The following INTS4 variants were observed in gnomAD, a reference collection of about 807,000 sequenced individuals.
INTS4 encodes integrator complex subunit 4.
In INTS4, 70 loss-of-function variants were observed where a neutral mutation model predicts 119.5. The observed-to-expected ratio is 0.59, with a 90% CI of 0.48 to 0.71. The LOEUF (loss-of-function observed/expected upper bound fraction) is 0.71, where lower values mean the gene tolerates loss of function less well. Among genes scored for constraint, INTS4 ranks in the 30% least tolerant of loss-of-function variants. The probability of loss-of-function intolerance (pLI) is 0.00; values close to 1 mark genes in which losing one functional copy is unlikely to be tolerated. For synonymous variants in INTS4, 316 were observed against 419.6 expected (o/e 0.75, Z 3.02); for missense variants, 867 against 1,173.2 (o/e 0.74, Z 3.81).
chr11:77,991,923 T>C (rs1241108970), intron 1 of INTS4, among the ~76,000 whole-genome samples: 1 of 151,994 alleles, frequency 6.6e-6, no homozygotes, highest in African/African-American at 2.4e-5. Flanking sequence ...ACCTACTACG[T>C]TCAAGCGATT....
At chr11:77,980,909 C>G (rs888837884) in intron 3 of INTS4, among the ~76,000 whole-genome samples, 18 of 151,838 alleles carry the variant, frequency 1.2e-4, no homozygotes, top group Non-Finnish European at 1.9e-4. Context: ...AGGAGAATGA[C>G]GTGAACCCGG....
chr11:77,966,553 C>G (rs1029326121), intron 4 of INTS4, among the ~76,000 whole-genome samples: 1 of 152,166 alleles, frequency 6.6e-6, no homozygotes, highest in African/African-American at 2.4e-5. Flanking sequence ...ATAGATTGTC[C>G]TTTACCCAGT....
intron 7 of INTS4, among the ~76,000 whole-genome samples, chr11:77,956,505 G>A (rs1424001903): frequency 2.0e-5 from 3 of 152,024 alleles, no homozygotes; most frequent in East Asian, 3.9e-4. Flanking sequence ...TCAAGAGTTC[G>A]AGACCAGCCT....
chr11:77,918,416 C>CA (rs34005455), intron 15 of INTS4: 19,020 of 58,040 alleles, frequency 0.33, 3,421 homozygotes, highest in African/African-American at 0.41. Context: ...GACCCTGTCT[C>CA]AAAAAAAAAA....
At chr11:77,959,051 G>A (rs984106544) in intron 6 of INTS4, among the ~76,000 whole-genome samples, 22 of 152,168 alleles carry the variant, frequency 1.4e-4, no homozygotes, top group African/African-American at 5.3e-4. Context: ...TGTCTGAAAG[G>A]AGAATCACAG....
chr11:77,899,192 T>G (rs139860509), intron 18 of INTS4, among the ~76,000 whole-genome samples: 1 of 151,992 alleles, frequency 6.6e-6, no homozygotes, highest in Non-Finnish European at 1.5e-5. Context: ...AGTTTGCAAA[T>G]GGTAAAGTCA....
chr11:77,981,739 TTTTATTTA>T (rs56771826), intron 2 of INTS4, among the ~76,000 whole-genome samples, 163 bp from the exon 3 acceptor site: 29,214 of 149,930 alleles, frequency 0.19, 2,858 homozygotes, highest in Middle Eastern at 0.22. Context: ...GACAGCTTTC[TTTTATTTA>T]TTTATTTATT....
At chr11:77,945,371 C>T (rs1954023399) in intron 8 of INTS4, among the ~76,000 whole-genome samples, 1 of 152,104 alleles carries the variant, frequency 6.6e-6, no homozygotes, top group Non-Finnish European at 1.5e-5. Flanking sequence ...TGTAGCATGG[C>T]ACCAAGTTGA....
intron 6 of INTS4, among the ~76,000 whole-genome samples, chr11:77,960,052 C>T (rs1239331760): frequency 2.0e-5 from 3 of 152,084 alleles, no homozygotes; most frequent in East Asian, 1.9e-4. Context: ...AAGACTAACA[C>T]GTTCCTTATT....
Position 77,961,143 on chromosome 11 carries a change from T to TTA in INTS4, c.472-6_472-5insTA, listed in dbSNP as rs1555038510. ...ATGAGACGTATCTGTCAGATGCTAT[T>TTA]AAAAAAAAAAAAAAAAAGAAAAAAA... On this transcript the variant is annotated splice_region_variant and splice_polypyrimidine_tract_variant and intron_variant, in intron 4 of 22. Coordinates refer to ENST00000534064, the MANE Select transcript of INTS4 (RefSeq NM_033547.4). 3.3e-6 allele frequency: 4 copies of TTA among 1,216,694 alleles called. No homozygotes were observed. The highest frequency in any genetic ancestry group is 5.4e-5 in the South Asian group (2 of 36,760). The allele number at this position is 1,216,694 out of a possible 1,614,324, so 75.4% of individuals were successfully genotyped here.
Position 77,883,845 on chromosome 11 carries a change from G to C in INTS4, c.2700C>G (p.His900Gln), listed in dbSNP as rs915413817. Residue 900 changes from histidine (H) to glutamine (Q), a missense_variant, in exon 22 of 23, where the codon CAC becomes CAG. Transcript: ENST00000534064. ...HRLITQVYLS[H>Q]TAWTEACQVE... ...CTGACTCCTTACCTGTCCAAGCGGT[G>C]TGGGAGAGATAAACCTGAGTGATGA... The C allele has an allele frequency of 1.9e-6, 3 of 1,612,810 alleles. No individual in the cohort carries two copies. In the African/African-American group the frequency reaches 4.0e-5, roughly 22 times the overall value.
chr11:77,977,947 T>G (rs974955826), intron 4 of INTS4: 4 of 151,946 alleles, frequency 2.6e-5, no homozygotes, highest in Admixed American at 6.6e-5. Flanking sequence ...TGGAGTGCAG[T>G]GGCTCAATCT....
intron 15 of INTS4, among the ~76,000 whole-genome samples, chr11:77,910,435 G>A (rs1411736262): frequency 7.0e-6 from 1 of 143,592 alleles, no homozygotes; most frequent in African/African-American, 2.6e-5. Flanking sequence ...ACACCCCGGG[G>A]CCTGTTGTGG....
chr11:77,899,841 T>A (rs1331252030), intron 18 of INTS4, among the ~76,000 whole-genome samples: 4 of 152,088 alleles, frequency 2.6e-5, no homozygotes, highest in African/African-American at 9.7e-5. Context: ...ATTGTACACA[T>A]CTTTATAATC....
At chr11:77,907,124 T>C (rs1170631642) in intron 16 of INTS4, among the ~76,000 whole-genome samples, 1 of 152,170 alleles carries the variant, frequency 6.6e-6, no homozygotes, top group Non-Finnish European at 1.5e-5. Flanking sequence ...AGGATCTTGG[T>C]CTGTCATCCA....
intron 8 of INTS4, among the ~76,000 whole-genome samples, chr11:77,953,297 G>A (rs529044572): frequency 3.3e-5 from 5 of 152,082 alleles, no homozygotes; most frequent in African/African-American, 9.7e-5. Flanking sequence ...GCTGTGACAC[G>A]TATACAAATT....
At chr11:77,971,054 C>T (rs772534858) in intron 4 of INTS4, among the ~76,000 whole-genome samples, 65 of 151,972 alleles carry the variant, frequency 4.3e-4, no homozygotes, top group Non-Finnish European at 8.4e-4. Context: ...GTGATCCACC[C>T]GCCTTGGCCT....
intron 2 of INTS4, among the ~76,000 whole-genome samples, chr11:77,984,914 G>GAAA (rs56373012): frequency 2.9e-5 from 4 of 137,376 alleles, no homozygotes; most frequent in African/African-American, 2.7e-5. Context: ...AAATGTAAAT[G>GAAA]AAAAAAAAAA....
intron 4 of INTS4, among the ~76,000 whole-genome samples, chr11:77,973,957 G>C (rs1855839329): frequency 6.6e-6 from 1 of 152,196 alleles, no homozygotes; most frequent in South Asian, 2.1e-4. Flanking sequence ...GAGTTTGGAA[G>C]TGTTCTCTCC....
Sources: allele counts gnomAD v4.1 joint callset (sites outside exome capture counted in the v4.1 genomes callset), GRCh38; gene constraint gnomAD v4.1.1; transcripts MANE v1.5; gene names NCBI Gene and HGNC (gene_info 2026-07-23, HGNC 2026-07-21).